Variants in SLC39A10 observed in about 807,000 individuals in gnomAD.
SLC39A10 encodes the protein solute carrier family 39 member 10.
SLC39A10 carries 13 observed loss-of-function variants against 65.1 expected under a neutral mutation model. The ratio of observed to expected loss-of-function variants is 0.20; its 90% confidence interval spans 0.13 to 0.32. SLC39A10 has a LOEUF of 0.32. Ranked by LOEUF, SLC39A10 falls within the 10% of genes least tolerant of loss-of-function variation. The pLI, the probability that SLC39A10 is intolerant of heterozygous loss-of-function variation, is 1.00. For missense variants in SLC39A10, 831 were observed against 1,018.4 expected (o/e 0.82, Z 2.50); for synonymous variants, 321 against 342.2 (o/e 0.94, Z 0.68).
intron 2 of SLC39A10, among the ~76,000 whole-genome samples, chr2:195,638,843 A>G (rs555061974): frequency 1.4e-3 from 209 of 152,062 alleles, no homozygotes; most frequent in African/African-American, 4.5e-3. Flanking sequence ...TCATTTTTCC[A>G]TCCTAGAATC....
At chr2:195,716,555 C>A in intron 6 of SLC39A10, 82 bp from the exon 7 acceptor site, 1 of 1,101,904 alleles carries the variant, frequency 9.1e-7, no homozygotes, top group Non-Finnish European at 1.3e-6. Flanking sequence ...AAGAAATGTT[C>A]ATTGCACTGC....
At chr2:195,716,575 TA>T (rs1423625906) in intron 6 of SLC39A10, 61 bp from the exon 7 acceptor site, 1 of 1,468,284 alleles carries the variant, frequency 6.8e-7, no homozygotes, top group African/African-American at 1.4e-5. Flanking sequence ...CTATTCTGTT[TA>T]AATTAGCAAA....
At position 195,632,093 on chromosome 2, in the gene SLC39A10, A is replaced by G. The variant is rs188108504; in HGVS notation, c.-12+25860A>G. Among the ~76,000 whole-genome samples the G allele has an allele frequency of 3.5e-3, 527 of 151,196 alleles. 2 individuals carry two copies. The highest frequency in any genetic ancestry group is 0.012 in the African/African-American group (502 of 41,140). ...AATTTTGTAAAGATGGGGTCTCACT[A>G]TGTTGCCCAGGCTGGTCTCAAACTC... On this transcript the variant is annotated intron_variant, in intron 2 of 2. Coordinates refer to the SLC39A10 transcript ENST00000458054.
At chr2:195,694,452 TC>T (rs58959394) in intron 3 of SLC39A10, among the ~76,000 whole-genome samples, 22,380 of 152,224 alleles carry the variant, frequency 0.15, 1,939 homozygotes, top group African/African-American at 0.23. Flanking sequence ...CACTGGGTGC[TC>T]CCTTGATATG....
At chr2:195,684,704 A>C (rs1426492738) in intron 3 of SLC39A10, among the ~76,000 whole-genome samples, 1 of 151,850 alleles carries the variant, frequency 6.6e-6, no homozygotes, top group Non-Finnish European at 1.5e-5. Flanking sequence ...AACTTCATCC[A>C]CTCTGTCATA....
intron 2 of SLC39A10, among the ~76,000 whole-genome samples, chr2:195,639,189 C>T (rs796727591): frequency 3.9e-5 from 6 of 151,984 alleles, no homozygotes; most frequent in African/African-American, 1.2e-4. Flanking sequence ...TGGCTTCAAG[C>T]GATCCTCCCA....
intron 2 of SLC39A10, among the ~76,000 whole-genome samples, chr2:195,618,961 CG>C (rs1161672988): frequency 6.6e-6 from 1 of 151,768 alleles, no homozygotes. Context: ...GGCATGATGG[CG>C]GGTGCCTGTA....
intron 3 of SLC39A10, among the ~76,000 whole-genome samples, chr2:195,700,822 C>G (rs1691148358): frequency 6.6e-6 from 1 of 152,052 alleles, no homozygotes; most frequent in Admixed American, 6.6e-5. Flanking sequence ...TGATGAGTTG[C>G]TTCTCTTGCA....
chr2:195,690,194 AAAAAAG>A (rs1453677176), intron 3 of SLC39A10, among the ~76,000 whole-genome samples: 2,813 of 147,890 alleles, frequency 0.019, 42 homozygotes, highest in Middle Eastern at 0.042. Flanking sequence ...AAAAAAAAAA[AAAAAAG>A]AAAGAAATTC....
intron 1 of SLC39A10, chr2:195,657,588 C>T (rs889000231): frequency 2.6e-4 from 251 of 980,666 alleles, no homozygotes; most frequent in Non-Finnish European, 3.0e-4. Flanking sequence ...GAGCCTCGCG[C>T]CCCCCTCACC....
chr2:195,657,788 C>T (rs550082604), intron 1 of SLC39A10, among the ~76,000 whole-genome samples: 126 of 152,114 alleles, frequency 8.3e-4, no homozygotes, highest in African/African-American at 3.0e-3. Context: ...TTTTTCTTCT[C>T]CAGTCCTTCT....
chr2:195,627,695 G>A (rs1688502378), intron 2 of SLC39A10, among the ~76,000 whole-genome samples: 1 of 152,150 alleles, frequency 6.6e-6, no homozygotes, highest in Non-Finnish European at 1.5e-5. Flanking sequence ...AGTGAGACTG[G>A]GAAGGAATTG....
chr2:195,736,879 G>GCT lies in SLC39A10; in HGVS notation c.*1838_*1839insCT. The GCT allele has an allele frequency of 9.1e-6, 1 of 110,378 alleles. No individual in the cohort carries two copies. Among genetic ancestry groups the GCT allele is most frequent in the Non-Finnish European group, 2.3e-5 (1 of 43,556 alleles). The allele number at this position is 110,378 out of a possible 1,614,324, so 6.8% of individuals were successfully genotyped here. The stretch of plus-strand genomic sequence containing the variant: ...AGTACTGCCAACTTCAAGTGATTTA[G>GCT]ATATCTATCTATCTAGATTTCTGAA... On this transcript the variant is annotated 3_prime_UTR_variant, in exon 10 of 10. Coordinates refer to ENST00000359634, the MANE Select transcript of SLC39A10 (RefSeq NM_020342.3).
chr2:195,690,843 T>C (rs1294347571), intron 3 of SLC39A10, among the ~76,000 whole-genome samples: 1 of 152,178 alleles, frequency 6.6e-6, no homozygotes, highest in Non-Finnish European at 1.5e-5. Context: ...TTGATAATTG[T>C]CTTTTTGTTT....
At chr2:195,688,868 A>G (rs1452824120) in intron 3 of SLC39A10, among the ~76,000 whole-genome samples, 1 of 152,214 alleles carries the variant, frequency 6.6e-6, no homozygotes, top group East Asian at 1.9e-4. Context: ...TGTTTTGTCA[A>G]GGTAGAGATA....
intron 2 of SLC39A10, among the ~76,000 whole-genome samples, chr2:195,639,645 G>T (rs923345597): frequency 1.3e-5 from 2 of 152,046 alleles, no homozygotes; most frequent in African/African-American, 4.8e-5. Context: ...GTGCAGTGAC[G>T]CAATCTCTGC....
At chr2:195,694,950 A>C (rs192221517) in intron 3 of SLC39A10, among the ~76,000 whole-genome samples, 387 of 152,272 alleles carry the variant, frequency 2.5e-3, no homozygotes, top group Non-Finnish European at 4.7e-3. Context: ...TACTGAGTGA[A>C]AGAAAGAAAT....
intron 2 of SLC39A10, among the ~76,000 whole-genome samples, chr2:195,627,797 C>A (rs141258913): frequency 1.3e-5 from 2 of 152,138 alleles, no homozygotes; most frequent in African/African-American, 4.8e-5. Flanking sequence ...TACTGAGGGG[C>A]AGCAAAAAAG....
chr2:195,632,848 G>C (rs1053377844), intron 2 of SLC39A10, among the ~76,000 whole-genome samples: 4 of 152,134 alleles, frequency 2.6e-5, no homozygotes. Flanking sequence ...TTTAATGTTT[G>C]AGTTTAAAAC....
Sources: allele counts gnomAD v4.1 joint callset (sites outside exome capture counted in the v4.1 genomes callset), GRCh38; gene constraint gnomAD v4.1.1; transcripts MANE v1.5; gene names NCBI Gene and HGNC (gene_info 2026-07-23, HGNC 2026-07-21).